Variants in DIP2C observed in about 807,000 individuals in gnomAD.
DIP2C encodes the protein DIP2 acetate--CoA ligase C (putative).
Under a neutral mutation model 192.4 loss-of-function variants are expected in DIP2C, and 33 were observed. That is an observed-to-expected ratio of 0.17 (90% confidence interval 0.13 to 0.23). DIP2C has a LOEUF of 0.23. Among genes scored for constraint, DIP2C ranks in the 10% least tolerant of loss-of-function variants. The pLI is 1.00. For missense variants in DIP2C, 1,537 were observed against 2,110.1 expected (o/e 0.73, Z 5.32); for synonymous variants, 979 against 864.1 (o/e 1.13, Z -2.33).
intron 1 of DIP2C, among the ~76,000 whole-genome samples, chr10:570,472 T>C (rs540715688): frequency 1.3e-5 from 2 of 152,224 alleles, no homozygotes; most frequent in East Asian, 3.9e-4. Context: ...TCCTAAGACA[T>C]GACCCACATC....
intron 1 of DIP2C, chr10:664,743 G>C (rs1480836268): frequency 6.6e-6 from 1 of 151,974 alleles, no homozygotes; most frequent in Non-Finnish European, 1.5e-5. Context: ...ATTTTAAAAT[G>C]TTAATGTATC....
At chr10:312,558 A>G (rs1049137027) in intron 31 of DIP2C, among the ~76,000 whole-genome samples, 1 of 152,176 alleles carries the variant, frequency 6.6e-6, no homozygotes, top group East Asian at 1.9e-4. Context: ...CACAAAGCCC[A>G]ATGGAAAAAC....
intron 3 of DIP2C, among the ~76,000 whole-genome samples, chr10:449,077 T>C (rs1342258218): frequency 1.3e-5 from 2 of 151,228 alleles, no homozygotes; most frequent in East Asian, 4.0e-4. Context: ...CTCCCGTCGA[T>C]ACTCAGGATC....
chr10:413,031 C>T (rs1353275630), intron 8 of DIP2C, among the ~76,000 whole-genome samples: 2 of 152,306 alleles, frequency 1.3e-5, no homozygotes, highest in East Asian at 1.9e-4. Flanking sequence ...GTCACTGAGG[C>T]TGGAGTGCTG....
At chr10:390,458 C>G in intron 11 of DIP2C, 85 bp from the exon 12 acceptor site, 1 of 1,302,742 alleles carries the variant, frequency 7.7e-7, no homozygotes, top group Non-Finnish European at 1.1e-6. Flanking sequence ...GGTACCCTTT[C>G]AAACACGTCA....
At chr10:546,492 T>C (rs1038054798) in intron 1 of DIP2C, among the ~76,000 whole-genome samples, 2 of 152,188 alleles carry the variant, frequency 1.3e-5, no homozygotes, top group African/African-American at 4.8e-5. Context: ...AGAACTCTGG[T>C]TGAAGTTTAT....
rs1379774650 is a variant in DIP2C, at chr10:301,784, T to TCC, written c.3986+8246_3986+8247insGG. ...CACAGTGCTCCATGACTGCTCTCCT[T>TCC]TCACACACACACCTGGCCAGGGGAT... On this transcript the variant is annotated intron_variant, in intron 32 of 36. Coordinates refer to ENST00000280886, the MANE Select transcript of DIP2C (RefSeq NM_014974.3). Among the ~76,000 whole-genome samples the TCC allele has an allele frequency of 2.3e-3, 350 of 152,174 alleles. 2 individuals carry two copies. Among genetic ancestry groups the TCC allele is most frequent in the African/African-American group, 7.6e-3 (315 of 41,516 alleles).
Position 508,378 on chromosome 10 carries a change from T to TCC in DIP2C, c.86-21850_86-21849dup, listed in dbSNP as rs754451773. On this transcript the variant is annotated intron_variant, in intron 1 of 36. Coordinates refer to ENST00000280886, the MANE Select transcript of DIP2C (RefSeq NM_014974.3). ...TCCATGTGTGCCCTTACTCCCTTGC[T>TCC]CCCCAGCGTTAATGCCCCCATCCTC... 5.9e-5 allele frequency among the ~76,000 whole-genome samples: 9 copies of TCC among 152,238 alleles called. No homozygotes were observed. In the South Asian group the frequency reaches 1.9e-3, roughly 32 times the overall value.
intron 29 of DIP2C, among the ~76,000 whole-genome samples, chr10:334,304 C>CAAAAAAAA (rs35031456): frequency 8.5e-5 from 7 of 82,408 alleles, no homozygotes; most frequent in African/African-American, 2.6e-4. Flanking sequence ...AAGACTGTCT[C>CAAAAAAAA]AAAAAAAAAA....
chr10:304,143 T>G (rs1215061033), intron 32 of DIP2C, among the ~76,000 whole-genome samples: 1 of 152,202 alleles, frequency 6.6e-6, no homozygotes, highest in Non-Finnish European at 1.5e-5. Context: ...GTGTCTATTA[T>G]CACAGTCCAG....
chr10:676,065 C>T (rs956923321), intron 1 of DIP2C, among the ~76,000 whole-genome samples: 5 of 152,162 alleles, frequency 3.3e-5, no homozygotes, highest in South Asian at 2.1e-4. Flanking sequence ...TTATACACCA[C>T]GATCAAGTGG....
chr10:569,657 A>T lies in DIP2C; in HGVS notation c.86-83127T>A, dbSNP rs558121413. 2.6e-5 allele frequency among the ~76,000 whole-genome samples: 4 copies of T among 152,318 alleles called. No homozygotes were observed. The South Asian group carries it at 8.3e-4, about 32-fold the overall frequency. ...CACTACACCATCACTCCTTAAATTT[A>T]TTTAACTACTGCTGCAAAATAAAAT... On this transcript the variant is annotated intron_variant, in intron 1 of 36. Transcript: ENST00000280886.
intron 1 of DIP2C, among the ~76,000 whole-genome samples, chr10:620,411 A>G (rs998493198): frequency 1.3e-5 from 2 of 152,158 alleles, no homozygotes; most frequent in South Asian, 2.1e-4. Flanking sequence ...CTCAAAGAAA[A>G]CGGCACACGG....
At chr10:498,733 T>C (rs1845027687) in intron 1 of DIP2C, among the ~76,000 whole-genome samples, 1 of 152,030 alleles carries the variant, frequency 6.6e-6, no homozygotes, top group Non-Finnish European at 1.5e-5. Flanking sequence ...CAAAACCTCC[T>C]CTCAGCTCCA....
chr10:291,898 C>T (rs944755338), intron 32 of DIP2C, among the ~76,000 whole-genome samples: 3 of 152,218 alleles, frequency 2.0e-5, no homozygotes, highest in African/African-American at 7.2e-5. Flanking sequence ...GGTCTGTGGA[C>T]TCCGGGAGCC....
At chr10:396,824 G>GGT (rs1310515826) in intron 10 of DIP2C, among the ~76,000 whole-genome samples, 2 of 58,598 alleles carry the variant, frequency 3.4e-5, no homozygotes, top group African/African-American at 8.9e-5. Flanking sequence ...CTGCAAATCC[G>GGT]GTGGGGGGGG....
At chr10:348,503 T>C in intron 26 of DIP2C, 138 bp downstream of exon 26, 1 of 1,373,530 alleles carries the variant, frequency 7.3e-7, no homozygotes, top group Non-Finnish European at 9.9e-7. Flanking sequence ...GTAGAGACCC[T>C]GTCCTGACCG....
At chr10:671,189 C>T (rs945345709) in intron 1 of DIP2C, among the ~76,000 whole-genome samples, 5 of 152,272 alleles carry the variant, frequency 3.3e-5, no homozygotes, top group Non-Finnish European at 5.9e-5. Context: ...TGCCACACGC[C>T]TGACACAGGC....
intron 31 of DIP2C, among the ~76,000 whole-genome samples, chr10:315,968 T>C (rs1449425145): frequency 2.0e-5 from 3 of 152,230 alleles, no homozygotes; most frequent in Admixed American, 2.0e-4. Context: ...GGGAATTTTA[T>C]TTCTAATACT....
Sources: gnomAD v4.1 joint callset for allele counts (sites outside exome capture counted in the v4.1 genomes callset) on GRCh38, gnomAD v4.1.1 for gene constraint, MANE v1.5 for transcripts, NCBI Gene and HGNC (gene_info 2026-07-23, HGNC 2026-07-21) for gene names.